The following DIAPH3 variants were observed in gnomAD, a reference collection of about 807,000 sequenced individuals.
The protein encoded by DIAPH3 is diaphanous related formin 3, also known as protein diaphanous homolog 3.
A neutral mutation model predicts 144.3 loss-of-function variants in DIAPH3; 117 were observed. The observed-to-expected ratio is 0.81, with a 90% CI of 0.70 to 0.95. The LOEUF is 0.95. Among genes scored for constraint, DIAPH3 ranks in the 40% least tolerant of loss-of-function variants. The probability of loss-of-function intolerance (pLI) is 0.00; values close to 1 mark genes in which losing one functional copy is unlikely to be tolerated. For missense variants in DIAPH3, 1,421 were observed against 1,412.7 expected, an observed-to-expected ratio of 1.01 and a Z score of -0.09; for synonymous variants, 519 against 488.9, an observed-to-expected ratio of 1.06 and a Z score of -0.81.
chr13:59,847,660 CTG>C (rs1472519063), intron 22 of DIAPH3, among the ~76,000 whole-genome samples: 1 of 152,116 alleles, frequency 6.6e-6, no homozygotes, highest in Non-Finnish European at 1.5e-5. Flanking sequence ...TATAATGGTT[CTG>C]TGTACATGTA....
intron 4 of DIAPH3, among the ~76,000 whole-genome samples, chr13:60,059,213 G>A (rs2141283810): frequency 6.6e-6 from 1 of 151,750 alleles, no homozygotes; most frequent in East Asian, 1.9e-4. Flanking sequence ...GAAGCCAGGA[G>A]AGAAGCAGTC....
chr13:59,875,632 A>T (rs2044574007), intron 21 of DIAPH3, among the ~76,000 whole-genome samples: 1 of 152,194 alleles, frequency 6.6e-6, no homozygotes, highest in South Asian at 2.1e-4. Context: ...ATGAAGGTTT[A>T]ATCAGGGAAA....
At chr13:60,144,418 G>T (rs1951410458) in intron 1 of DIAPH3, among the ~76,000 whole-genome samples, 1 of 152,154 alleles carries the variant, frequency 6.6e-6, no homozygotes, top group South Asian at 2.1e-4. Context: ...ATGTAAACAA[G>T]GTAGACACCT....
intron 27 of DIAPH3, among the ~76,000 whole-genome samples, chr13:59,712,312 G>A (rs2034792724): frequency 6.6e-6 from 1 of 152,152 alleles, no homozygotes; most frequent in South Asian, 2.1e-4. Context: ...CTTTTTGTCT[G>A]GCTTCTCTTT....
chr13:60,073,886 C>G (rs2141364627), intron 4 of DIAPH3, among the ~76,000 whole-genome samples: 1 of 152,224 alleles, frequency 6.6e-6, no homozygotes, highest in Middle Eastern at 3.4e-3. Context: ...TTTTATTTTT[C>G]CTAATTGAAA....
intron 24 of DIAPH3, 126 bp downstream of exon 24, chr13:59,832,981 T>G (rs2041855503): frequency 2.5e-6 from 2 of 803,386 alleles, no homozygotes. Flanking sequence ...AATCTGAAAT[T>G]TTATAGCTTT....
At chr13:59,760,494 C>A (rs1349751595) in intron 27 of DIAPH3, among the ~76,000 whole-genome samples, 1 of 152,162 alleles carries the variant, frequency 6.6e-6, no homozygotes. Flanking sequence ...CTTGTCAGAG[C>A]TAAAATACAA....
intron 7 of DIAPH3, chr13:60,013,022 A>C (rs2053383651): frequency 1.0e-6 from 1 of 985,250 alleles, no homozygotes; most frequent in South Asian, 4.7e-5. Context: ...AAAACTGTTG[A>C]CTCTGTGTGA....
chr13:59,999,630 T>C (rs2052407814), intron 9 of DIAPH3, among the ~76,000 whole-genome samples: 2 of 152,148 alleles, frequency 1.3e-5, no homozygotes, highest in Non-Finnish European at 2.9e-5. Context: ...TATACTAAAA[T>C]AGACCTGTTC....
chr13:59,746,473 C>T (rs2036709520), intron 27 of DIAPH3, among the ~76,000 whole-genome samples: 1 of 151,980 alleles, frequency 6.6e-6, no homozygotes, highest in Non-Finnish European at 1.5e-5. Flanking sequence ...ATCTGCCAGC[C>T]TTGGCCTCCG....
intron 24 of DIAPH3, among the ~76,000 whole-genome samples, chr13:59,823,592 G>T (rs2041198188): frequency 6.6e-6 from 1 of 152,080 alleles, no homozygotes. Context: ...CTCAACACTC[G>T]ACCATAGGAC....
intron 27 of DIAPH3, among the ~76,000 whole-genome samples, chr13:59,743,085 C>T (rs754563624): frequency 6.6e-6 from 1 of 151,966 alleles, no homozygotes; most frequent in Non-Finnish European, 1.5e-5. Context: ...GAGGCACAAA[C>T]AAAATCATGT....
In DIAPH3 at chr13:59,967,232, A is replaced by AT. The variant is rs934128194; in HGVS notation, c.2074+2711dup. 7.9e-3 allele frequency among the ~76,000 whole-genome samples: 1,135 copies of AT among 143,688 alleles called. 16 individuals are homozygous for AT. Among genetic ancestry groups the AT allele is most frequent in the African/African-American group, 0.024 (932 of 39,094 alleles). 94.3% of individuals were successfully genotyped at this position (143,688 alleles called of 152,430 possible). ...CAGGTGTGCACCACCATGCCTGGCT[A>AT]TTTTTTTTTTTAATTTTTTTTAGTA... On this transcript the variant is annotated intron_variant, in intron 17 of 27. Coordinates refer to ENST00000400324, the MANE Select transcript of DIAPH3 (RefSeq NM_001042517.2).
intron 17 of DIAPH3, among the ~76,000 whole-genome samples, chr13:59,962,450 G>C (rs947271654): frequency 1.3e-5 from 2 of 152,180 alleles, no homozygotes; most frequent in African/African-American, 2.4e-5. Context: ...CGCAAGGAGT[G>C]CATTTAGCTG....
chr13:59,916,329 C>A, intron 18 of DIAPH3, 80 bp from the exon 19 acceptor site: 1 of 1,075,294 alleles, frequency 9.3e-7, no homozygotes, highest in South Asian at 1.3e-5. Context: ...TTTATAAAAT[C>A]AAAAATAAAT....
intron 27 of DIAPH3, among the ~76,000 whole-genome samples, chr13:59,717,467 G>T (rs2035119046): frequency 6.6e-6 from 1 of 151,792 alleles, no homozygotes; most frequent in Non-Finnish European, 1.5e-5. Context: ...GCATTAATTT[G>T]CCACCCAACA....
chr13:60,041,579 T>G (rs2055669343), intron 5 of DIAPH3, among the ~76,000 whole-genome samples: 1 of 152,192 alleles, frequency 6.6e-6, no homozygotes, highest in Admixed American at 6.5e-5. Flanking sequence ...GCATACTATA[T>G]CCTAGCCACA....
At chr13:59,686,446 G>A (rs2033217099) in intron 27 of DIAPH3, among the ~76,000 whole-genome samples, 1 of 151,588 alleles carries the variant, frequency 6.6e-6, no homozygotes, top group South Asian at 2.1e-4. Context: ...GCTCACAGGT[G>A]ACTGTCATGC....
chr13:59,986,563 G>A (rs1191715368), intron 12 of DIAPH3, among the ~76,000 whole-genome samples: 6 of 51,730 alleles, frequency 1.2e-4, no homozygotes, highest in African/African-American at 2.8e-4. Context: ...GAAAATTTTC[G>A]CAACCTACTC....
Sources: allele counts gnomAD v4.1 joint callset (sites outside exome capture counted in the v4.1 genomes callset), GRCh38; gene constraint gnomAD v4.1.1; transcripts MANE v1.5; gene names NCBI Gene and HGNC (gene_info 2026-07-23, HGNC 2026-07-21).